Variants in ACBD6 observed in about 807,000 individuals in gnomAD.
ACBD6 encodes the protein acyl-CoA-binding domain-containing protein 6.
A neutral mutation model predicts 37.2 loss-of-function variants in ACBD6; 28 were observed. The observed-to-expected ratio is 0.75, with a 90% CI of 0.56 to 1.03. ACBD6 has a LOEUF of 1.03. Among genes scored for constraint, ACBD6 ranks in the 50% least tolerant of loss-of-function variants. ACBD6 has a pLI of 0.00. For missense variants in ACBD6, 340 were observed against 337.4 expected (o/e 1.01, Z -0.06); for synonymous variants, 113 against 126.8 (o/e 0.89, Z 0.73).
chr1:180,363,252 A>T (rs1273377681), intron 6 of ACBD6, among the ~76,000 whole-genome samples: 1 of 152,206 alleles, frequency 6.6e-6, no homozygotes, highest in Middle Eastern at 3.2e-3. Flanking sequence ...TTTGTAATTA[A>T]AAGGTTATTT....
intron 6 of ACBD6, among the ~76,000 whole-genome samples, chr1:180,316,311 AGT>A (rs142767435): frequency 3.3e-5 from 5 of 150,186 alleles, no homozygotes; most frequent in Non-Finnish European, 3.0e-5. Context: ...AATCAATGAA[AGT>A]GTGTGTGTGT....
intron 6 of ACBD6, among the ~76,000 whole-genome samples, chr1:180,318,004 T>C (rs1180693947): frequency 6.6e-6 from 1 of 151,930 alleles, no homozygotes; most frequent in Non-Finnish European, 1.5e-5. Context: ...TGATGAAACC[T>C]TGTCTCTACT....
chr1:180,449,906 T>TAA (rs113535374), intron 3 of ACBD6, among the ~76,000 whole-genome samples: 3 of 129,328 alleles, frequency 2.3e-5, no homozygotes, highest in African/African-American at 5.7e-5. Context: ...GAACTTAAAT[T>TAA]AAAAAAAAAA....
intron 6 of ACBD6, among the ~76,000 whole-genome samples, chr1:180,382,114 CA>C (rs59973107): frequency 0.39 from 43,240 of 111,926 alleles, 6,980 homozygotes; most frequent in African/African-American, 0.52. Context: ...GACTGCATCT[CA>C]AAAAAAAAAA....
Position 180,379,782 on chromosome 1 carries a change from T to TAGGCAA in ACBD6, c.663+17728_663+17733dup, listed in dbSNP as rs1653571702. ...TATGGGCCACCATAAAATGACCAAATAGGCAAAGTATTGGAACCCCAGAAG... is the reference window on the plus strand; with the variant it reads ...TATGGGCCACCATAAAATGACCAAATAGGCAAAGGCAAAGTATTGGAACCCCAGAAG... On this transcript the variant is annotated intron_variant, in intron 6 of 7. Coordinates refer to ENST00000367595, the MANE Select transcript of ACBD6 (RefSeq NM_032360.4). Among the ~76,000 whole-genome samples, 2 of 151,984 alleles carry TAGGCAA rather than the reference T, an allele frequency of 1.3e-5. 1 individual carries two copies. The highest frequency in any genetic ancestry group is 4.8e-5 in the African/African-American group (2 of 41,362).
At chr1:180,271,825 T>G in exon 14 of ACBD6, 1 of 1,613,646 alleles carries the variant, frequency 6.2e-7, no homozygotes, top group Non-Finnish European at 8.5e-7. Context: ...CCCTTGTGCT[T>G]GTGTGGCAGG....
At chr1:180,452,057 G>A (rs1649728144) in intron 3 of ACBD6, among the ~76,000 whole-genome samples, 1 of 152,138 alleles carries the variant, frequency 6.6e-6, no homozygotes, top group African/African-American at 2.4e-5. Flanking sequence ...AAAACAGTGA[G>A]AACAAAGACA....
intron 6 of ACBD6, among the ~76,000 whole-genome samples, chr1:180,357,085 T>G (rs1652659274): frequency 6.6e-6 from 1 of 152,326 alleles, no homozygotes; most frequent in East Asian, 1.9e-4. Flanking sequence ...TAAAAGATTT[T>G]TAATGACACT....
At chr1:180,471,906 A>G (rs6673113) in intron 3 of ACBD6, among the ~76,000 whole-genome samples, 16,176 of 152,242 alleles carry the variant, frequency 0.11, 1,233 homozygotes, top group African/African-American at 0.21. Flanking sequence ...TGGTTGGTAT[A>G]GCAAATTATT....
chr1:180,303,144 G>A (rs1265669161), intron 7 of ACBD6, among the ~76,000 whole-genome samples: 2 of 149,786 alleles, frequency 1.3e-5, no homozygotes, highest in East Asian at 2.0e-4. Context: ...ATGCCCACAA[G>A]AGAAAGCAGG....
chr1:180,328,302 C>T (rs1651334251), intron 6 of ACBD6, among the ~76,000 whole-genome samples: 1 of 151,692 alleles, frequency 6.6e-6, no homozygotes, highest in South Asian at 2.1e-4. Flanking sequence ...TACACACACA[C>T]ACACACATAC....
intron 1 of ACBD6, among the ~76,000 whole-genome samples, chr1:180,499,202 T>C (rs542112654): frequency 3.9e-5 from 6 of 152,334 alleles, no homozygotes; most frequent in Admixed American, 3.9e-4. Flanking sequence ...TACAAAACGT[T>C]ATTTTATAAA....
At chr1:180,307,113 A>G (rs1260196874) in intron 7 of ACBD6, among the ~76,000 whole-genome samples, 3 of 152,256 alleles carry the variant, frequency 2.0e-5, no homozygotes, top group Non-Finnish European at 4.4e-5. Context: ...CTAAGTGTCC[A>G]TCAACAGATG....
intron 7 of ACBD6, among the ~76,000 whole-genome samples, chr1:180,292,612 G>T (rs1271809483): frequency 2.0e-5 from 3 of 148,140 alleles, no homozygotes; most frequent in African/African-American, 7.6e-5. Context: ...ACTTATTCTA[G>T]GTTTTTTTTT....
intron 3 of ACBD6, among the ~76,000 whole-genome samples, chr1:180,476,777 G>C (rs1423003309): frequency 6.6e-6 from 1 of 152,082 alleles, no homozygotes; most frequent in East Asian, 1.9e-4. Context: ...AGTGAGCTGA[G>C]ATCATGCCAT....
intron 3 of ACBD6, among the ~76,000 whole-genome samples, chr1:180,430,834 C>T (rs1349341515): frequency 6.6e-6 from 1 of 152,102 alleles, no homozygotes; most frequent in Non-Finnish European, 1.5e-5. Context: ...ACACGTCTTG[C>T]CCCTCTATGT....
At chr1:180,365,877 C>T (rs1425714767) in intron 6 of ACBD6, among the ~76,000 whole-genome samples, 1 of 151,992 alleles carries the variant, frequency 6.6e-6, no homozygotes, top group Non-Finnish European at 1.5e-5. Flanking sequence ...TTTTTCCCAT[C>T]TTTCAGGCAT....
intron 3 of ACBD6, among the ~76,000 whole-genome samples, chr1:180,467,895 A>G (rs1422312382): frequency 1.3e-5 from 2 of 152,180 alleles, no homozygotes; most frequent in African/African-American, 4.8e-5. Flanking sequence ...ATCTTCTAAA[A>G]CCTGCAGACA....
chr1:180,356,904 T>A (rs1652652846), intron 6 of ACBD6, among the ~76,000 whole-genome samples: 1 of 151,744 alleles, frequency 6.6e-6, no homozygotes, highest in African/African-American at 2.4e-5. Flanking sequence ...ATATTATATA[T>A]TATAATCTAA....
Sources: gnomAD v4.1 joint callset for allele counts (sites outside exome capture counted in the v4.1 genomes callset) on GRCh38, gnomAD v4.1.1 for gene constraint, MANE v1.5 for transcripts, NCBI Gene and HGNC (gene_info 2026-07-23, HGNC 2026-07-21) for gene names.